ARAP1: variants seen among roughly 807,000 people sequenced by gnomAD.
The protein encoded by ARAP1 is arf-GAP with Rho-GAP domain, ANK repeat and PH domain-containing protein 1.
Under a neutral mutation model 172.2 loss-of-function variants are expected in ARAP1, and 76 were observed. The ratio of observed to expected loss-of-function variants is 0.44; its 90% confidence interval spans 0.37 to 0.53. The LOEUF (loss-of-function observed/expected upper bound fraction) is 0.53, where lower values mean the gene tolerates loss of function less well. Ranked by LOEUF, ARAP1 falls within the 20% of genes least tolerant of loss-of-function variation. The pLI is 0.00. For missense variants in ARAP1, 1,686 were observed against 1,977.5 expected, an observed-to-expected ratio of 0.85 and a Z score of 2.80; for synonymous variants, 804 against 803.3, an observed-to-expected ratio of 1.00 and a Z score of -0.01.
Position 72,686,128 on chromosome 11 carries a change from G to C in ARAP1, c.4249C>G (p.Leu1417Val). 6.2e-7 allele frequency: 1 copy of C among 1,614,036 alleles called. No homozygotes were observed. The highest frequency in any genetic ancestry group is 8.5e-7 in the Non-Finnish European group (1 of 1,180,044). ...AGGGGGATCAGTGACACACTACCCA[G>C]CCGGACCTCAGGCACTGCCCGGGAC... The part of the protein sequence containing the change: ...RVSRAVPEVR[L>V]GSVSLIPLRG... The change falls in exon 34 of 35, where the codon CTG becomes GTG. Residue 1417 changes from leucine to valine, a missense_variant. Around this residue, in one of 5 missense-constraint regions of ARAP1, gnomAD observed 379 missense variants for 500.1 expected, o/e 0.76. Transcript: ENST00000393609.
At chr11:72,690,628 C>A (rs1477838366) in intron 30 of ARAP1, among the ~76,000 whole-genome samples, 1 of 152,238 alleles carries the variant, frequency 6.6e-6, no homozygotes, top group Non-Finnish European at 1.5e-5. Flanking sequence ...CATCCTCCCA[C>A]CTTGACCTCT....
Position 72,697,065 on chromosome 11 carries a change from G to C in ARAP1, c.3084C>G (p.Ser1028=). Residue 1028 remains serine (S), a synonymous_variant, in exon 22 of 35, where the codon TCC becomes TCG. Transcript: ENST00000393609. Reference sequence around the variant, plus strand: ...CGCGCAGGAAGCGCTTGAGCGCCGAGGAAACATCATCCACGTGCTGCTCGC... The same window carrying C: ...CGCGCAGGAAGCGCTTGAGCGCCGACGAAACATCATCCACGTGCTGCTCGC... The part of the protein sequence containing the change: ...KEGEQHVDDV[S]SALKRFLRDL... 1 of 1,610,362 alleles carries C rather than the reference G, an allele frequency of 6.2e-7. No homozygotes were observed. The highest frequency in any genetic ancestry group is 1.6e-4 in the Middle Eastern group (1 of 6,062).
At position 72,726,958 on chromosome 11, in the gene ARAP1, G is replaced by C; in HGVS notation, c.171C>G (p.Arg57=). Residue 57 remains arginine, a synonymous_variant, in exon 3 of 35, where the codon CGC becomes CGG. Transcript: ENST00000393609. The surrounding 1 kb of genome is among the most constrained non-coding windows in gnomAD (Gnocchi z 6.5). ...GGAGCAGGCCAGCCAGGATGCGGCGGCGGTGACCAGGGAGTAGCATGCCCA... is the reference window on the plus strand; with the variant it reads ...GGAGCAGGCCAGCCAGGATGCGGCGCCGGTGACCAGGGAGTAGCATGCCCA... ...MDMGMLLPGH[R]RRILAGLLRA... is the part of the protein sequence containing the mutation. The C allele has an allele frequency of 6.2e-7, 1 of 1,600,272 alleles. No homozygotes were observed. Among genetic ancestry groups the C allele is most frequent in the Admixed American group, 1.7e-5 (1 of 58,242 alleles).
chr11:72,745,967 T>C (rs1053369668), intron 1 of ARAP1, among the ~76,000 whole-genome samples: 1 of 152,126 alleles, frequency 6.6e-6, no homozygotes. Flanking sequence ...CAGCCTTCTA[T>C]ACCCTAAGGC....
chr11:72,686,854 C>A (rs1368366082), intron 33 of ARAP1, among the ~76,000 whole-genome samples: 1 of 152,068 alleles, frequency 6.6e-6, no homozygotes, highest in Non-Finnish European at 1.5e-5. Context: ...GCCACCCCCA[C>A]CCCCGCCAGT....
rs1203788902 is a variant in ARAP1 at position 72,688,556 on chromosome 11, A to C, written c.3988-19T>G. The C allele has an allele frequency of 6.2e-7, 1 of 1,606,090 alleles. No homozygotes were observed. The highest frequency in any genetic ancestry group is 8.5e-7 in the Non-Finnish European group (1 of 1,175,506). On this transcript the variant is annotated intron_variant, in intron 30 of 34. Coordinates refer to ENST00000393609, the MANE Select transcript of ARAP1 (RefSeq NM_001040118.3). ...GGTGACTCTGAGGTAGGGCAAGGAG[A>C]AGAGGGCACTTTAGTCTGCAGAAAG...
intron 3 of ARAP1, among the ~76,000 whole-genome samples, chr11:72,721,420 T>C (rs1159237775): frequency 6.6e-6 from 1 of 152,010 alleles, no homozygotes; most frequent in South Asian, 2.1e-4. Context: ...TAAGCCAAAC[T>C]AAGCCTCCCC....
chr11:72,722,528 C>T (rs1332134910), intron 3 of ARAP1, among the ~76,000 whole-genome samples: 1 of 152,200 alleles, frequency 6.6e-6, no homozygotes, highest in Non-Finnish European at 1.5e-5. Context: ...CACCACTCCA[C>T]CCGCATAAGG....
Position 72,725,142 on chromosome 11 carries a change from A to C in ARAP1, c.509+1478T>G, listed in dbSNP as rs1288545819. Among the ~76,000 whole-genome samples the C allele has an allele frequency of 6.6e-6, 1 of 152,156 alleles. No homozygotes were observed. Among genetic ancestry groups the C allele is most frequent in the Non-Finnish European group, 1.5e-5 (1 of 68,022 alleles). Reference sequence around the variant, plus strand: ...GACCCAGGCATCCTGCCTCCCAAGCAGGAACCCAGGCCTCCACTGCCCGTC... The same window carrying C: ...GACCCAGGCATCCTGCCTCCCAAGCCGGAACCCAGGCCTCCACTGCCCGTC... On this transcript the variant is annotated intron_variant, in intron 3 of 34. Transcript: ENST00000393609. The surrounding 1 kb of genome is among the most constrained non-coding windows in gnomAD (Gnocchi z 4.3).
At chr11:72,689,811 A>T (rs1855861852) in intron 30 of ARAP1, among the ~76,000 whole-genome samples, 2 of 152,232 alleles carry the variant, frequency 1.3e-5, no homozygotes, top group Admixed American at 1.3e-4. Flanking sequence ...GGCATGGAAC[A>T]ATCAGGGCTG....
At chr11:72,706,964 C>A (rs1856794780) in intron 12 of ARAP1, among the ~76,000 whole-genome samples, 1 of 152,230 alleles carries the variant, frequency 6.6e-6, no homozygotes, top group Non-Finnish European at 1.5e-5. Flanking sequence ...CCCTGTGCCT[C>A]CGTGTCCCCA....
rs554626879 is a variant in ARAP1, at chr11:72,752,095, G to A, written c.-128+233C>T. On this transcript the variant is annotated intron_variant, in intron 1 of 34. Transcript: ENST00000393609. ...GAGACCCTTCACGCCAAAGGGCTAC[G>A]GGCTGGAAGCCCCGGGTCCCGCTGG... Among the ~76,000 whole-genome samples the A allele has an allele frequency of 1.6e-4, 24 of 152,362 alleles. No homozygotes were observed. In the South Asian group the frequency reaches 4.1e-3, roughly 26 times the overall value.
chr11:72,693,678 C>A lies in ARAP1; in HGVS notation c.3808+14G>T. ...GACCACCCGGAGCCTGGCCACCCTGCAGGCACCACCTACCCAGGTACAGCA... is the reference window on the plus strand; with the variant it reads ...GACCACCCGGAGCCTGGCCACCCTGAAGGCACCACCTACCCAGGTACAGCA... On this transcript the variant is annotated intron_variant, in intron 28 of 34. Transcript: ENST00000393609. The surrounding 1 kb of genome is among the most constrained non-coding windows in gnomAD (Gnocchi z 4.6). 6.3e-7 allele frequency: 1 copy of A among 1,592,006 alleles called. No individual in the cohort carries two copies. The highest frequency in any genetic ancestry group is 8.6e-7 in the Non-Finnish European group (1 of 1,168,818).
At chr11:72,706,551 C>T (rs73541178) in intron 12 of ARAP1, among the ~76,000 whole-genome samples, 504 of 152,296 alleles carry the variant, frequency 3.3e-3, no homozygotes, top group African/African-American at 0.012. Flanking sequence ...TCAACCCTCT[C>T]GCATTTCATC....
chr11:72,749,257 C>T (rs1385960625), intron 1 of ARAP1, among the ~76,000 whole-genome samples: 1 of 152,200 alleles, frequency 6.6e-6, no homozygotes, highest in South Asian at 2.1e-4. Flanking sequence ...ACACCTGGGT[C>T]CTGACCCTGT....
rs10570876 is a variant in ARAP1 at position 72,725,295 on chromosome 11, C to CCTCTCT, written c.509+1319_509+1324dup. Among the ~76,000 whole-genome samples the CCTCTCT allele has an allele frequency of 9.5e-5, 14 of 147,876 alleles. No individual in the cohort carries two copies. The highest frequency in any genetic ancestry group is 8.0e-4 in the Admixed American group (12 of 14,922). On this transcript the variant is annotated intron_variant, in intron 3 of 34. Transcript: ENST00000393609. This position sits in a 1 kb window ranked among gnomAD's most constrained non-coding sequence, Gnocchi z 4.3. ...TTCTCTATCCTCTTCTCTCTTCTAA[C>CCTCTCT]CTCTCTCTCTCTCTCTCTCTCTCTT...
At chr11:72,746,569 G>A (rs1858372062) in intron 1 of ARAP1, among the ~76,000 whole-genome samples, 1 of 152,108 alleles carries the variant, frequency 6.6e-6, no homozygotes, top group Non-Finnish European at 1.5e-5. Flanking sequence ...TAAAATCCTC[G>A]AATCTCACCA....
rs1477145748 is a variant in ARAP1 at position 72,729,498 on chromosome 11, C to T, written c.-44-2326G>A. On this transcript the variant is annotated intron_variant, in intron 2 of 34. Transcript: ENST00000393609. ...ATCTCAGCTACTCAGGAGGCTAAGG[C>T]AGAATTGCTTGAACCCAGGAGGTGG... Among the ~76,000 whole-genome samples the T allele has an allele frequency of 2.6e-5, 4 of 151,874 alleles. No individual in the cohort carries two copies. In the East Asian group the frequency reaches 5.8e-4, roughly 22 times the overall value.
intron 2 of ARAP1, among the ~76,000 whole-genome samples, 167 bp from the exon 3 acceptor site, chr11:72,727,339 C>A (rs1857724652): frequency 6.6e-6 from 1 of 152,216 alleles, no homozygotes; most frequent in Non-Finnish European, 1.5e-5. Flanking sequence ...GGTCTCTGAA[C>A]ACACAGGCTC....
Sources: allele counts gnomAD v4.1 joint callset (sites outside exome capture counted in the v4.1 genomes callset), GRCh38; gene constraint gnomAD v4.1.1; regional missense constraint gnomAD v4.1.1; non-coding constraint Gnocchi (gnomAD v3.1); transcripts MANE v1.5; gene names NCBI Gene and HGNC (gene_info 2026-07-23, HGNC 2026-07-21).